The following ZEB1 variants were observed in gnomAD, a reference collection of about 807,000 sequenced individuals.
The protein encoded by ZEB1 is zinc finger E-box binding homeobox 1.
Under a neutral mutation model 84.9 loss-of-function variants are expected in ZEB1, and 21 were observed. The observed-to-expected ratio is 0.25, with a 90% CI of 0.18 to 0.36. The LOEUF (loss-of-function observed/expected upper bound fraction) is 0.36, where lower values mean the gene tolerates loss of function less well. Ranked by LOEUF, ZEB1 falls within the 10% of genes least tolerant of loss-of-function variation. The pLI is 1.00. For synonymous variants in ZEB1, 420 were observed against 471.1 expected (o/e 0.89, Z 1.41); for missense variants, 1,104 against 1,330.2 (o/e 0.83, Z 2.65).
At chr10:31,365,238 A>G (rs2044229001) in intron 1 of ZEB1, among the ~76,000 whole-genome samples, 1 of 152,210 alleles carries the variant, frequency 6.6e-6, no homozygotes, top group African/African-American at 2.4e-5. Context: ...TTAAAATATG[A>G]CAAACATAAT....
chr10:31,514,564 T>G, intron 5 of ZEB1, 39 bp from the exon 6 acceptor site: 1 of 1,567,576 alleles, frequency 6.4e-7, no homozygotes, highest in South Asian at 1.1e-5. Flanking sequence ...TCTAAAGATC[T>G]TTTGCTTTTC....
chr10:31,429,733 CTTTTTTTTT>C (rs35031058), intron 1 of ZEB1, among the ~76,000 whole-genome samples: 15 of 79,544 alleles, frequency 1.9e-4, no homozygotes, highest in African/African-American at 8.7e-4. Context: ...ACAGGCAGAA[CTTTTTTTTT>C]TTTTTTTTTT....
chr10:31,377,232 C>G (rs1337414391), intron 1 of ZEB1, among the ~76,000 whole-genome samples: 3 of 151,426 alleles, frequency 2.0e-5, no homozygotes, highest in Admixed American at 1.3e-4. Flanking sequence ...TATTGAAAAC[C>G]ACTAGCTATT....
intron 1 of ZEB1, among the ~76,000 whole-genome samples, chr10:31,332,312 A>AT (rs969602983): frequency 1.7e-4 from 26 of 151,366 alleles, no homozygotes; most frequent in Admixed American, 2.6e-4. Context: ...GGAATTGTAT[A>AT]TTTTTTTTTC....
chr10:31,372,871 C>A, intron 1 of ZEB1: 1 of 494,018 alleles, frequency 2.0e-6, no homozygotes. Flanking sequence ...TTATGGGATT[C>A]TTTTATTATA....
intron 6 of ZEB1, among the ~76,000 whole-genome samples, chr10:31,518,224 C>T (rs73243720): frequency 3.0e-4 from 46 of 152,188 alleles, no homozygotes; most frequent in African/African-American, 9.4e-4. Flanking sequence ...TTCCAGGCAT[C>T]GCATTGGAAA....
At chr10:31,336,606 TTTA>T (rs2038117502) in intron 1 of ZEB1, among the ~76,000 whole-genome samples, 1 of 152,132 alleles carries the variant, frequency 6.6e-6, no homozygotes, top group African/African-American at 2.4e-5. Context: ...TAATCCCGTA[TTTA>T]GCACATATCA....
At chr10:31,356,664 A>G (rs759683205) in intron 1 of ZEB1, among the ~76,000 whole-genome samples, 4 of 152,136 alleles carry the variant, frequency 2.6e-5, no homozygotes, top group Admixed American at 6.5e-5. Flanking sequence ...AACCAATCTT[A>G]TTTCTTTCAT....
In ZEB1 at chr10:31,461,222, T is replaced by C; in HGVS notation, c.244T>C (p.Cys82Arg). 1 of 1,612,882 alleles carries C rather than the reference T, an allele frequency of 6.2e-7. No homozygotes were observed. The highest frequency in any genetic ancestry group is 8.5e-7 in the Non-Finnish European group (1 of 1,179,418). The change falls in exon 2 of 9, where the codon TGC (cysteine) becomes CGC (arginine). Residue 82 changes from cysteine (C) to arginine (R), a missense_variant. Physicochemically the swap from Cys to Arg is radical, Grantham distance 180. Around this residue, in one of 7 missense-constraint regions of ZEB1, gnomAD observed 162 missense variants for 184.5 expected, o/e 0.88. Transcript: ENST00000424869. Reference protein sequence around the residue: ...SSEREGNAKNCWEDDTGKEGQ... With the variant: ...SSEREGNAKNRWEDDTGKEGQ... ...TGAAAGAGAAGGGAATGCTAAGAAC[T>C]GCTGGGAGGATGACAGTAAGTCTGA...
intron 1 of ZEB1, among the ~76,000 whole-genome samples, chr10:31,441,564 A>C (rs140171495): frequency 0.22 from 32,740 of 152,046 alleles, 7,370 homozygotes; most frequent in African/African-American, 0.57. Flanking sequence ...AATGGGATCT[A>C]ATTAAACTAA....
chr10:31,453,514 G>C (rs1351918444), intron 1 of ZEB1, among the ~76,000 whole-genome samples: 1 of 152,108 alleles, frequency 6.6e-6, no homozygotes, highest in African/African-American at 2.4e-5. Flanking sequence ...TTTTATGATT[G>C]TACATTACTT....
In ZEB1 at chr10:31,414,088, A is replaced by G. The variant is rs540882573; in HGVS notation, c.59-46949A>G. On this transcript the variant is annotated intron_variant, in intron 1 of 8. Coordinates refer to ENST00000424869, the MANE Select transcript of ZEB1 (RefSeq NM_001174096.2). ...CCTTTTACCCTTTTTAATCATAGGT[A>G]CAATCTTTTGCAAGTTGCTTTATCT... 2.0e-5 allele frequency among the ~76,000 whole-genome samples: 3 copies of G among 152,354 alleles called. No individual in the cohort carries two copies. The South Asian group carries it at 6.2e-4, about 32-fold the overall frequency.
intron 1 of ZEB1, among the ~76,000 whole-genome samples, chr10:31,452,387 A>G (rs1271509633): frequency 6.6e-6 from 1 of 152,168 alleles, no homozygotes; most frequent in Non-Finnish European, 1.5e-5. Flanking sequence ...AAGTCAGATT[A>G]ACAAAAATTT....
intron 1 of ZEB1, among the ~76,000 whole-genome samples, chr10:31,398,259 T>C (rs989090225): frequency 6.6e-6 from 1 of 152,152 alleles, no homozygotes; most frequent in Non-Finnish European, 1.5e-5. Context: ...AATTATACTA[T>C]TCATTGGTTT....
rs182661226 is a variant in ZEB1 at position 31,449,057 on chromosome 10, C to T, written c.59-11980C>T. Among the ~76,000 whole-genome samples, 957 of 142,538 alleles carry T rather than the reference C, an allele frequency of 6.7e-3. 15 individuals carry two copies. The highest frequency in any genetic ancestry group is 0.021 in the African/African-American group (841 of 39,666). 93.5% of individuals were successfully genotyped at this position (142,538 alleles called of 152,430 possible). ...TGATCTCAGACTGCTGTGCTAGCAA[C>T]CAGCGAGACTCCGTGGGCGTAGGAC... is the stretch of plus-strand genomic sequence containing the variant. On this transcript the variant is annotated intron_variant, in intron 1 of 8. Transcript: ENST00000424869.
intron 1 of ZEB1, chr10:31,321,006 A>C (rs1249256167): frequency 2.6e-6 from 1 of 383,384 alleles, no homozygotes; most frequent in African/African-American, 2.2e-5. Context: ...TTTTAAAACG[A>C]CTTTTAAGAG....
intron 1 of ZEB1, among the ~76,000 whole-genome samples, chr10:31,371,806 A>G (rs1218535039): frequency 1.3e-5 from 2 of 152,206 alleles, no homozygotes. Flanking sequence ...TGCTATTTCT[A>G]GTATATCTAA....
At chr10:31,466,629 T>C (rs192426213) in intron 2 of ZEB1, among the ~76,000 whole-genome samples, 8 of 152,288 alleles carry the variant, frequency 5.3e-5, no homozygotes, top group Admixed American at 5.2e-4. Flanking sequence ...GAGAATTTTA[T>C]AGCAATAAAT....
Position 31,529,342 on chromosome 10 carries a change from G to C in ZEB1, c.*2078G>C, listed in dbSNP as rs1317715449. 6.6e-6 allele frequency: 1 copy of C among 152,158 alleles called. No homozygotes were observed. Among genetic ancestry groups the C allele is most frequent in the Non-Finnish European group, 1.5e-5 (1 of 68,010 alleles). The allele number at this position is 152,158 out of a possible 1,614,324, so 9.4% of individuals were successfully genotyped here. On this transcript the variant is annotated 3_prime_UTR_variant, in exon 9 of 9. Coordinates refer to ENST00000424869, the MANE Select transcript of ZEB1 (RefSeq NM_001174096.2). ...TTTAGACATTCTCCACTAAATTATG[G>C]ATTTTCTTGTGGCTAAATGTTTCTG... is the stretch of plus-strand genomic sequence containing the variant.
Sources: gnomAD v4.1 joint callset for allele counts (sites outside exome capture counted in the v4.1 genomes callset) on GRCh38, gnomAD v4.1.1 for gene constraint, gnomAD v4.1.1 regional missense constraint, MANE v1.5 for transcripts, NCBI Gene and HGNC (gene_info 2026-07-23, HGNC 2026-07-21) for gene names.